SYT3: variants seen among roughly 807,000 people sequenced by gnomAD.
The protein encoded by SYT3 is synaptotagmin 3.
A neutral mutation model predicts 50.6 loss-of-function variants in SYT3; 25 were observed. That is an observed-to-expected ratio of 0.49 (90% CI 0.36 to 0.69). The LOEUF (loss-of-function observed/expected upper bound fraction) is 0.69, where lower values mean the gene tolerates loss of function less well. SYT3 is among the 30% of genes least tolerant of loss of function. SYT3 has a pLI of 0.00. For missense variants in SYT3, 589 were observed against 793.6 expected (o/e 0.74, Z 3.10); for synonymous variants, 323 against 353.9 (o/e 0.91, Z 0.98).
At position 50,637,317 on chromosome 19, in the gene SYT3, C is replaced by T. The variant is rs866625534; in HGVS notation, c.95G>A (p.Arg32Lys). The T allele has an allele frequency of 6.2e-7, 1 of 1,613,440 alleles. No homozygotes were observed. The highest frequency in any genetic ancestry group is 2.2e-5 in the East Asian group (1 of 44,838). Residue 32 changes from arginine to lysine, a missense_variant, in exon 3 of 11, where the codon AGG becomes AAG. Arg to Lys is a conservative substitution (Grantham distance 26). Around this residue, in one of 2 missense-constraint regions of SYT3, gnomAD observed 316 missense variants for 354.3 expected, o/e 0.89. Coordinates refer to ENST00000600079, the MANE Select transcript of SYT3 (RefSeq NM_001160329.2). The surrounding 1 kb of genome is among the most constrained non-coding windows in gnomAD (Gnocchi z 4.9). ...GATTCGGTCATTGAACTCCTGGCAC[C>T]TGTCGTTGGTGTCAGCATCTCGGAC... ...ARVRDADTNDRCQEFNDRIRG... is the reference protein window; with the variant it reads ...ARVRDADTNDKCQEFNDRIRG...
At position 50,625,357 on chromosome 19, in the gene SYT3, C is replaced by T. The variant is rs1457336194; in HGVS notation, c.1574+36G>A. ...GGGAGGGCCTGTCCCCACCCCAGCC[C>T]TCCTGCCTGACCCCCGCCCGGGCCG... On this transcript the variant is annotated intron_variant, in intron 8 of 10. Transcript: ENST00000600079. This position sits in a 1 kb window ranked among gnomAD's most constrained non-coding sequence, Gnocchi z 7.5. The T allele has an allele frequency of 1.3e-6, 2 of 1,540,762 alleles. No individual in the cohort carries two copies. Among genetic ancestry groups the T allele is most frequent in the African/African-American group, 2.7e-5 (2 of 72,834 alleles).
At chr19:50,628,074 C>T (rs1697738342) in intron 6 of SYT3, among the ~76,000 whole-genome samples, 1 of 152,174 alleles carries the variant, frequency 6.6e-6, no homozygotes, top group Admixed American at 6.5e-5. Context: ...GGACATCTGT[C>T]ATTGAACAGA....
chr19:50,632,352 G>T lies in SYT3; in HGVS notation c.608C>A (p.Pro203His). ...GAGSGLLLLP[P>H]SGGGLPSAQS... ...GGCACTGGGCAAGCCCCCACCACTG[G>T]GGGGCAGCAGGAGCAACCCAGAGCC... Residue 203 changes from proline (P) to histidine (H), a missense_variant, in exon 4 of 11, where the codon CCC becomes CAC. By Grantham distance (77) the Pro-to-His change is moderately conservative. Transcript: ENST00000600079. This position sits in a 1 kb window ranked among gnomAD's most constrained non-coding sequence, Gnocchi z 4.7. The T allele has an allele frequency of 6.2e-7, 1 of 1,608,744 alleles. No individual in the cohort carries two copies. Among genetic ancestry groups the T allele is most frequent in the Non-Finnish European group, 8.5e-7 (1 of 1,175,836 alleles).
chr19:50,636,281 A>G (rs904486561), intron 3 of SYT3, among the ~76,000 whole-genome samples: 1 of 152,116 alleles, frequency 6.6e-6, no homozygotes, highest in Non-Finnish European at 1.5e-5. Flanking sequence ...ACAGACAAAC[A>G]AAAACAGTTT....
At chr19:50,647,853 C>T in the SYT3 span, among the ~76,000 whole-genome samples, 6 of 152,104 alleles carry the variant, frequency 3.9e-5, no homozygotes, top group Non-Finnish European at 5.9e-5. Flanking sequence ...TCCTCCATCC[C>T]GCTGAGATAA....
chr19:50,623,279 G>A (rs1176886466), intron 9 of SYT3, among the ~76,000 whole-genome samples: 1 of 151,994 alleles, frequency 6.6e-6, no homozygotes, highest in Non-Finnish European at 1.5e-5. Context: ...GGAGGAGGGA[G>A]TAGCCTCCAT....
chr19:50,631,975 G>C (rs945600740), intron 4 of SYT3, among the ~76,000 whole-genome samples: 1 of 152,058 alleles, frequency 6.6e-6, no homozygotes, highest in Non-Finnish European at 1.5e-5. Context: ...TGCCACAGGG[G>C]ACTTGGGGAT....
intron 6 of SYT3, among the ~76,000 whole-genome samples, chr19:50,628,079 A>G (rs1479484725): frequency 6.6e-6 from 1 of 152,194 alleles, no homozygotes; most frequent in African/African-American, 2.4e-5. Context: ...TCTGTCATTG[A>G]ACAGATGGGG....
chr19:50,625,639 C>G lies in SYT3; in HGVS notation c.1403-75G>C. On this transcript the variant is annotated intron_variant, in intron 7 of 10. Coordinates refer to ENST00000600079, the MANE Select transcript of SYT3 (RefSeq NM_001160329.2). This position sits in a 1 kb window ranked among gnomAD's most constrained non-coding sequence, Gnocchi z 7.5. Reference sequence around the variant, plus strand: ...GGGGTCCAGGACCCCAGGCCCCGAGCCCCTCCTCCCTCAGACCCAGAGGTC... The same window carrying G: ...GGGGTCCAGGACCCCAGGCCCCGAGGCCCTCCTCCCTCAGACCCAGAGGTC... 1 of 1,481,054 alleles carries G rather than the reference C, an allele frequency of 6.8e-7. No individual in the cohort carries two copies. The allele number at this position is 1,481,054 out of a possible 1,614,324, so 91.7% of individuals were successfully genotyped here.
At chr19:50,649,820 C>T in the SYT3 span, 2 of 515,616 alleles carry the variant, frequency 3.9e-6, no homozygotes, top group African/African-American at 3.8e-5. Context: ...TCTTGTCTCC[C>T]ACCCTGAGCT....
intron 3 of SYT3, among the ~76,000 whole-genome samples, chr19:50,635,437 G>A (rs1984466572): frequency 6.6e-6 from 1 of 152,194 alleles, no homozygotes; most frequent in African/African-American, 2.4e-5. Context: ...ATTCCTGTCT[G>A]CACAGACTGG....
chr19:50,653,822 G>C, the SYT3 span, among the ~76,000 whole-genome samples: 1 of 151,902 alleles, frequency 6.6e-6, no homozygotes, highest in Non-Finnish European at 1.5e-5. Context: ...GGGTTCACGG[G>C]GGTGGGGCTT....
At chr19:50,646,385 G>A in the SYT3 span, among the ~76,000 whole-genome samples, 1 of 150,794 alleles carries the variant, frequency 6.6e-6, no homozygotes, top group Non-Finnish European at 1.5e-5. Flanking sequence ...TGAAGACCAG[G>A]AGGGACAGGG....
At chr19:50,653,396 T>G in the SYT3 span, among the ~76,000 whole-genome samples, 38 of 152,112 alleles carry the variant, frequency 2.5e-4, 1 homozygote, top group East Asian at 7.2e-3. Context: ...AAGCACATAG[T>G]TATATTGTTA....
At chr19:50,645,748 T>C in the SYT3 span, among the ~76,000 whole-genome samples, 55 of 152,118 alleles carry the variant, frequency 3.6e-4, no homozygotes, top group Non-Finnish European at 7.5e-4. Flanking sequence ...AGGCGTGGTG[T>C]GTGCGCCTGT....
At chr19:50,627,122 G>A (rs528875103) in intron 6 of SYT3, among the ~76,000 whole-genome samples, 1 of 152,288 alleles carries the variant, frequency 6.6e-6, no homozygotes, top group East Asian at 1.9e-4. Context: ...GAGCTAGCTG[G>A]GAGCTTTGAC....
At chr19:50,656,357 C>T in the SYT3 span, 2 of 1,530,558 alleles carry the variant, frequency 1.3e-6, no homozygotes, top group Non-Finnish European at 1.7e-6. Flanking sequence ...GTGAGTGGAC[C>T]TGTGCCCTTA....
chr19:50,625,544 G>A lies in SYT3; in HGVS notation c.1423C>T (p.Leu475=), dbSNP rs141072825. The change falls in exon 8 of 11, where the codon CTG becomes TTG. Residue 475 remains leucine (L), a synonymous_variant. Transcript: ENST00000600079. This position sits in a 1 kb window ranked among gnomAD's most constrained non-coding sequence, Gnocchi z 7.5. ...TTCAGACGCCGCCCCTCGCTGATCA[G>A]GGAGGCCTTCACGTAGGGGTCTGGG... ...GFSDPYVKAS[L]ISEGRRLKKR... is the part of the protein sequence containing the mutation. 1,059 of 1,598,918 alleles carry A rather than the reference G, an allele frequency of 6.6e-4. 15 individuals carry two copies. The East Asian group carries it at 0.02, about 31-fold the overall frequency.
chr19:50,632,908 C>G lies in SYT3; in HGVS notation c.149-97G>C, dbSNP rs1368867384. 2.8e-6 allele frequency: 3 copies of G among 1,073,658 alleles called. No homozygotes were observed. The Admixed American group carries it at 8.6e-5, about 31-fold the overall frequency. 66.5% of individuals were successfully genotyped at this position (1,073,658 alleles called of 1,614,324 possible). A position where few individuals can be genotyped will look rare whatever the true frequency, so the allele number is the denominator to read the frequency against. On this transcript the variant is annotated intron_variant, in intron 3 of 10. Coordinates refer to ENST00000600079, the MANE Select transcript of SYT3 (RefSeq NM_001160329.2). This position sits in a 1 kb window ranked among gnomAD's most constrained non-coding sequence, Gnocchi z 4.7. Reference sequence around the variant, plus strand: ...GAGTTAACCCTTCATATTTGCCATGCAATTGTCCATGCAATTGCAAGTGCC... The same window carrying G: ...GAGTTAACCCTTCATATTTGCCATGGAATTGTCCATGCAATTGCAAGTGCC...
Sources: gnomAD v4.1 joint callset for allele counts (sites outside exome capture counted in the v4.1 genomes callset) on GRCh38, gnomAD v4.1.1 for gene constraint, gnomAD v4.1.1 regional missense constraint, Gnocchi (gnomAD v3.1) non-coding constraint, MANE v1.5 for transcripts, NCBI Gene and HGNC (gene_info 2026-07-23, HGNC 2026-07-21) for gene names.